The following ABCA13 variants were observed in gnomAD, a reference collection of about 807,000 sequenced individuals.
The protein encoded by ABCA13 is ATP-binding cassette sub-family A member 13.
Under a neutral mutation model 478.7 loss-of-function variants are expected in ABCA13, and 476 were observed. The ratio of observed to expected loss-of-function variants is 0.99; its 90% CI spans 0.92 to 1.07. The LOEUF is 1.07. Ranked by LOEUF, ABCA13 falls within the 50% of genes least tolerant of loss-of-function variation. ABCA13 has a pLI of 0.00. For synonymous variants in ABCA13, 2,252 were observed against 2,158.9 expected, an observed-to-expected ratio of 1.04 and a Z score of -1.20; for missense variants, 6,060 against 5,910.6, an observed-to-expected ratio of 1.03 and a Z score of -0.83.
chr7:48,528,415 C>T (rs997344501), intron 55 of ABCA13, 70 bp downstream of exon 55: 9 of 1,077,444 alleles, frequency 8.4e-6, no homozygotes, highest in African/African-American at 4.8e-5. Flanking sequence ...CAGCATTTTC[C>T]CTCAGTCCCG....
chr7:48,489,420 G>C, intron 48 of ABCA13, 76 bp downstream of exon 48: 1 of 1,318,696 alleles, frequency 7.6e-7, no homozygotes, highest in East Asian at 2.5e-5. Context: ...AAACAGAAAA[G>C]TTTCTGAATA....
intron 59 of ABCA13, among the ~76,000 whole-genome samples, chr7:48,625,003 A>G (rs574528496): frequency 1.3e-5 from 2 of 152,362 alleles, no homozygotes; most frequent in South Asian, 4.1e-4. Context: ...GAATAAAAGT[A>G]GAATAAAGTT....
chr7:48,282,855 G>A (rs6973602), intron 19 of ABCA13, among the ~76,000 whole-genome samples: 99,842 of 151,940 alleles, frequency 0.66, 33,268 homozygotes, highest in African/African-American at 0.78. Flanking sequence ...TGAGAACCCA[G>A]AGACTGTGCC....
chr7:48,580,139 T>C, intron 55 of ABCA13, 85 bp from the exon 56 acceptor site: 1 of 1,367,962 alleles, frequency 7.3e-7, no homozygotes. Context: ...GCAGTGGACT[T>C]GTTATTGATG....
chr7:48,629,751 A>T (rs1794004450), intron 59 of ABCA13, among the ~76,000 whole-genome samples: 1 of 152,092 alleles, frequency 6.6e-6, no homozygotes, highest in Non-Finnish European at 1.5e-5. Context: ...ACCAGAATGG[A>T]CAGGCCAAAC....
At chr7:48,587,438 TC>T in intron 57 of ABCA13, 150 bp downstream of exon 57, 1 of 847,408 alleles carries the variant, frequency 1.2e-6, no homozygotes, top group Non-Finnish European at 1.7e-6. Flanking sequence ...AGCCAGCATT[TC>T]CCAAATGTCA....
chr7:48,490,238 A>G (rs1170854714), intron 48 of ABCA13, among the ~76,000 whole-genome samples: 1 of 152,226 alleles, frequency 6.6e-6, no homozygotes, highest in Non-Finnish European at 1.5e-5. Flanking sequence ...AAATAGTACA[A>G]TAGTCATACA....
chr7:48,475,458 ATTTTTTTT>A (rs398047655), intron 45 of ABCA13, among the ~76,000 whole-genome samples: 4 of 100,500 alleles, frequency 4.0e-5, no homozygotes, highest in East Asian at 3.1e-4. Flanking sequence ...TGTCAATTTA[ATTTTTTTT>A]TTTTTTTTTT....
chr7:48,255,092 A>G (rs1793179391), intron 15 of ABCA13, among the ~76,000 whole-genome samples: 1 of 152,134 alleles, frequency 6.6e-6, no homozygotes, highest in Non-Finnish European at 1.5e-5. Flanking sequence ...GAAGGGTTGG[A>G]CTACAACAAT....
Position 48,274,388 on chromosome 7 carries a change from T to C in ABCA13, c.4722T>C (p.Thr1574=). The C allele has an allele frequency of 6.2e-7, 1 of 1,612,756 alleles. No homozygotes were observed. The highest frequency in any genetic ancestry group is 1.1e-5 in the South Asian group (1 of 90,766). ...NILENNSSSK[T]ENLLNIFATS... The stretch of plus-strand genomic sequence containing the variant: ...TGGAAAATAATTCCTCTTCTAAAAC[T>C]GAAAACTTGTTAAACATATTTGCCA... Residue 1574 remains threonine, a synonymous_variant, in exon 17 of 62, where the codon ACT becomes ACC. Coordinates refer to ENST00000435803, the MANE Select transcript of ABCA13 (RefSeq NM_152701.5).
At chr7:48,323,898 A>C (rs935895427) in intron 27 of ABCA13, among the ~76,000 whole-genome samples, 2 of 152,300 alleles carry the variant, frequency 1.3e-5, no homozygotes, top group Non-Finnish European at 2.9e-5. Context: ...AAGATTTTAT[A>C]AATGGGAGTT....
intron 44 of ABCA13, among the ~76,000 whole-genome samples, chr7:48,469,426 C>A (rs777703566): frequency 6.6e-6 from 1 of 152,144 alleles, no homozygotes; most frequent in African/African-American, 2.4e-5. Context: ...CTTCCTGAAT[C>A]CAAATCTCAG....
At chr7:48,444,803 A>G (rs550491530) in intron 42 of ABCA13, among the ~76,000 whole-genome samples, 1 of 151,942 alleles carries the variant, frequency 6.6e-6, no homozygotes, top group Non-Finnish European at 1.5e-5. Context: ...TTTAAGTCCA[A>G]CTCATGATTT....
At chr7:48,375,241 G>A (rs1235277783) in intron 34 of ABCA13, among the ~76,000 whole-genome samples, 1 of 152,122 alleles carries the variant, frequency 6.6e-6, no homozygotes, top group Non-Finnish European at 1.5e-5. Context: ...TGTCTTCCAC[G>A]AAACTGGTCC....
chr7:48,173,402 A>AC (rs1794418631), intron 1 of ABCA13, among the ~76,000 whole-genome samples: 1 of 152,222 alleles, frequency 6.6e-6, no homozygotes, highest in African/African-American at 2.4e-5. Context: ...ATGTTCAGTA[A>AC]ATATTTGTTG....
Position 48,528,286 on chromosome 7 carries a change from A to G in ABCA13, c.14295A>G (p.Lys4765=). 1 of 1,579,758 alleles carries G rather than the reference A, an allele frequency of 6.3e-7. No homozygotes were observed. The highest frequency in any genetic ancestry group is 8.6e-7 in the Non-Finnish European group (1 of 1,161,564). Residue 4765 remains lysine, a synonymous_variant, in exon 55 of 62, where the codon AAA becomes AAG. Transcript: ENST00000435803. The part of the protein sequence containing the change: ...VNGAGKSTTF[K]MLNGEVSLTS... ...GAGCTGGGAAGAGCACGACTTTCAA[A>G]ATGCTGAATGGTGAAGTTTCTCTAA...
intron 59 of ABCA13, among the ~76,000 whole-genome samples, chr7:48,633,961 TAG>T (rs1794418678): frequency 6.6e-6 from 1 of 151,892 alleles, no homozygotes; most frequent in Non-Finnish European, 1.5e-5. Context: ...GATAGATAGA[TAG>T]ATAGATAGAT....
intron 51 of ABCA13, among the ~76,000 whole-genome samples, chr7:48,516,092 T>C (rs1246266832): frequency 2.0e-5 from 3 of 152,122 alleles, no homozygotes; most frequent in Non-Finnish European, 4.4e-5. Flanking sequence ...TTATGTAAAG[T>C]TCATTTCTGT....
In ABCA13 at chr7:48,274,638, C is replaced by A. The variant is rs1405806667; in HGVS notation, c.4972C>A (p.Gln1658Lys). 1.2e-6 allele frequency: 2 copies of A among 1,613,842 alleles called. No homozygotes were observed. The highest frequency in any genetic ancestry group is 2.7e-5 in the African/African-American group (2 of 74,924). Residue 1658 changes from glutamine (Q) to lysine (K), a missense_variant, in exon 17 of 62, where the codon CAA becomes AAA. Transcript: ENST00000435803. ...TAGTCCACAAAATGCAGGTTATATG[C>A]AAGCTTTGAAGAAGGTAACTTCTGT... ...HTSPQNAGYM[Q>K]ALKKVTSVMR... is the part of the protein sequence containing the mutation.
Sources: allele counts gnomAD v4.1 joint callset (sites outside exome capture counted in the v4.1 genomes callset), GRCh38; gene constraint gnomAD v4.1.1; transcripts MANE v1.5; gene names NCBI Gene and HGNC (gene_info 2026-07-23, HGNC 2026-07-21).